ADGRD1: variants seen among roughly 807,000 people sequenced by gnomAD.
ADGRD1 encodes the protein adhesion G protein-coupled receptor D1.
A neutral mutation model predicts 113.4 loss-of-function variants in ADGRD1; 77 were observed. The ratio of observed to expected loss-of-function variants is 0.68; its 90% CI spans 0.57 to 0.82. The LOEUF (loss-of-function observed/expected upper bound fraction) is 0.82, where lower values mean the gene tolerates loss of function less well. Among genes scored for constraint, ADGRD1 ranks in the 40% least tolerant of loss-of-function variants. The pLI, the probability that ADGRD1 is intolerant of heterozygous loss-of-function variation, is 0.00. For synonymous variants in ADGRD1, 474 were observed against 475.0 expected, an observed-to-expected ratio of 1.00 and a Z score of 0.03; for missense variants, 1,036 against 1,139.1, an observed-to-expected ratio of 0.91 and a Z score of 1.30.
At chr12:131,112,293 T>C (rs1378879447) in intron 18 of ADGRD1, among the ~76,000 whole-genome samples, 2 of 152,204 alleles carry the variant, frequency 1.3e-5, no homozygotes, top group African/African-American at 4.8e-5. Context: ...TACTTATGTT[T>C]GTATGACACC....
At chr12:131,129,088 G>A (rs868510405) in intron 20 of ADGRD1, among the ~76,000 whole-genome samples, 1 of 117,452 alleles carries the variant, frequency 8.5e-6, no homozygotes, top group Non-Finnish European at 1.8e-5. Flanking sequence ...TGACAGCCCC[G>A]CCCTGCTGTC....
chr12:130,992,398 G>A lies in ADGRD1; in HGVS notation c.966+6G>A. ...CAGCCTTGAATCTCACCAAGGTAAG[G>A]CTATTTGATGTCTGTGTCTGGTGGA... is the stretch of plus-strand genomic sequence containing the variant. On this transcript the variant is annotated splice_donor_region_variant and intron_variant, in intron 8 of 24. Transcript: ENST00000261654. 1 of 1,609,810 alleles carries A rather than the reference G, an allele frequency of 6.2e-7. No individual in the cohort carries two copies. Among genetic ancestry groups the A allele is most frequent in the Non-Finnish European group, 8.5e-7 (1 of 1,178,270 alleles).
chr12:131,075,471 AG>A lies in ADGRD1; in HGVS notation c.1474-1329del, dbSNP rs1169571563. Among the ~76,000 whole-genome samples, 3 of 152,184 alleles carry A rather than the reference AG, an allele frequency of 2.0e-5. No homozygotes were observed. Among genetic ancestry groups the A allele is most frequent in the African/African-American group, 7.2e-5 (3 of 41,440 alleles). On this transcript the variant is annotated intron_variant, in intron 13 of 24. Coordinates refer to ENST00000261654, the MANE Select transcript of ADGRD1 (RefSeq NM_198827.5). This position sits in a 1 kb window ranked among gnomAD's most constrained non-coding sequence, Gnocchi z 5.3. ...AAGATGTCTTTTCCAGGCGGTTTTA[AG>A]AGACCCTGTGATGGATTAAAATAAC...
At chr12:131,010,929 A>T (rs1308691462) in intron 12 of ADGRD1, among the ~76,000 whole-genome samples, 1 of 152,128 alleles carries the variant, frequency 6.6e-6, no homozygotes, top group Non-Finnish European at 1.5e-5. Flanking sequence ...TCCTGGCCCC[A>T]CTATCTGCTC....
At position 131,101,375 on chromosome 12, in the gene ADGRD1, TTC is replaced by T. The variant is rs1314491585; in HGVS notation, c.1672-3454_1672-3453del. Among the ~76,000 whole-genome samples, 82 of 51,754 alleles carry T rather than the reference TTC, an allele frequency of 1.6e-3. 1 individual carries two copies. The highest frequency in any genetic ancestry group is 3.0e-3 in the Admixed American group (9 of 3,030). The allele number at this position is 51,754 out of a possible 152,430, so 34.0% of individuals were successfully genotyped here. On this transcript the variant is annotated intron_variant, in intron 15 of 24. Transcript: ENST00000261654. ...TTTTATTTTTTTTCTTTTTCTTTCT[TTC>T]TTTTTTTTTTTTTTTTTTTTTTTTT...
At position 131,096,342 on chromosome 12, in the gene ADGRD1, G is replaced by T. The variant is rs534080697; in HGVS notation, c.1672-8489G>T. Among the ~76,000 whole-genome samples, 1 of 152,142 alleles carries T rather than the reference G, an allele frequency of 6.6e-6. No individual in the cohort carries two copies. The highest frequency in any genetic ancestry group is 2.4e-5 in the African/African-American group (1 of 41,420). Reference sequence around the variant, plus strand: ...GCTCACTGCAGCCTTGACCTCCTGGGCTCCAGAGATCCTCCTACCTCAGCC... The same window carrying T: ...GCTCACTGCAGCCTTGACCTCCTGGTCTCCAGAGATCCTCCTACCTCAGCC... On this transcript the variant is annotated intron_variant, in intron 15 of 24. Coordinates refer to ENST00000261654, the MANE Select transcript of ADGRD1 (RefSeq NM_198827.5). This position sits in a 1 kb window ranked among gnomAD's most constrained non-coding sequence, Gnocchi z 5.2.
intron 13 of ADGRD1, among the ~76,000 whole-genome samples, chr12:131,039,948 C>T (rs968600259): frequency 2.0e-5 from 3 of 152,176 alleles, no homozygotes; most frequent in East Asian, 1.9e-4. Flanking sequence ...CTGAGGCCGG[C>T]GCAGATAGGA....
At chr12:131,039,045 G>A (rs1881838502) in intron 13 of ADGRD1, among the ~76,000 whole-genome samples, 3 of 152,352 alleles carry the variant, frequency 2.0e-5, no homozygotes, top group African/African-American at 7.2e-5. Context: ...AACTGCCTGC[G>A]GGAGAGGCCA....
intron 15 of ADGRD1, among the ~76,000 whole-genome samples, chr12:131,086,406 G>A (rs1593188110): frequency 6.6e-6 from 1 of 152,184 alleles, no homozygotes; most frequent in South Asian, 2.1e-4. Flanking sequence ...GGAAGGACAC[G>A]AGTCCACTGC....
chr12:131,110,892 T>C (rs989757234), intron 18 of ADGRD1, among the ~76,000 whole-genome samples: 1 of 152,260 alleles, frequency 6.6e-6, no homozygotes, highest in African/African-American at 2.4e-5. Flanking sequence ...TTTCTAGATA[T>C]AAGATTCTTT....
rs529431796 is a variant in ADGRD1, at chr12:131,103,771, G to T, written c.1672-1060G>T. On this transcript the variant is annotated intron_variant, in intron 15 of 24. Coordinates refer to ENST00000261654, the MANE Select transcript of ADGRD1 (RefSeq NM_198827.5). ...CGTCTCGGAGGACGGGGGGACGTGG[G>T]TCTGGGGTCTGGGGCCTCAGTGCCG... Among the ~76,000 whole-genome samples, 16 of 152,300 alleles carry T rather than the reference G, an allele frequency of 1.1e-4. No individual in the cohort carries two copies. The South Asian group carries it at 3.3e-3, about 32-fold the overall frequency.
intron 13 of ADGRD1, among the ~76,000 whole-genome samples, chr12:131,049,523 A>G (rs1883172700): frequency 6.6e-6 from 1 of 152,214 alleles, no homozygotes; most frequent in Non-Finnish European, 1.5e-5. Flanking sequence ...CTTAGAATGC[A>G]CATGTCACTG....
Position 131,006,158 on chromosome 12 carries a change from AGTACCGGGC to A in ADGRD1, c.1331+113_1331+121del. On this transcript the variant is annotated intron_variant, in intron 12 of 24. Transcript: ENST00000261654. ...CACAACACTGAGAACTCTGGACACGAGTACCGGGCGCTTCACTGCTCGGGCAAGGAAACG... is the reference window on the plus strand; with the variant it reads ...CACAACACTGAGAACTCTGGACACGAGCTTCACTGCTCGGGCAAGGAAACG... 4 of 948,032 alleles carry A rather than the reference AGTACCGGGC, an allele frequency of 4.2e-6. No individual in the cohort carries two copies. In the Admixed American group the frequency reaches 7.8e-5, roughly 18 times the overall value. 58.7% of individuals were successfully genotyped at this position (948,032 alleles called of 1,614,324 possible).
intron 15 of ADGRD1, among the ~76,000 whole-genome samples, chr12:131,101,045 G>A (rs1950060454): frequency 6.6e-6 from 1 of 152,190 alleles, no homozygotes; most frequent in South Asian, 2.1e-4. Context: ...TGCGAGATGA[G>A]GTAGGAAAAG....
rs553546926 is a variant in ADGRD1, at chr12:131,010,530, G to A, written c.1332-3669G>A. On this transcript the variant is annotated intron_variant, in intron 12 of 24. Coordinates refer to ENST00000261654, the MANE Select transcript of ADGRD1 (RefSeq NM_198827.5). ...GCCGGTCTTCTGCACAGGCTGGGAAGTCTCTGTGTCTCCTCATAGATTTCA... is the reference window on the plus strand; with the variant it reads ...GCCGGTCTTCTGCACAGGCTGGGAAATCTCTGTGTCTCCTCATAGATTTCA... Among the ~76,000 whole-genome samples, 3 of 152,334 alleles carry A rather than the reference G, an allele frequency of 2.0e-5. No individual in the cohort carries two copies. The South Asian group carries it at 6.2e-4, about 32-fold the overall frequency.
chr12:131,015,736 G>A (rs1566031840), intron 13 of ADGRD1, among the ~76,000 whole-genome samples: 1 of 152,180 alleles, frequency 6.6e-6, no homozygotes, highest in Non-Finnish European at 1.5e-5. Flanking sequence ...TGTTTTCAGT[G>A]TGTCCCCTGC....
At chr12:131,122,878 C>T (rs1003104182) in intron 20 of ADGRD1, among the ~76,000 whole-genome samples, 17 of 152,078 alleles carry the variant, frequency 1.1e-4, no homozygotes, top group Admixed American at 1.1e-3. Flanking sequence ...GAACCCAGCA[C>T]CCCTGTGTCT....
chr12:131,109,810 C>G (rs572456461), intron 18 of ADGRD1, among the ~76,000 whole-genome samples: 1 of 152,266 alleles, frequency 6.6e-6, no homozygotes, highest in South Asian at 2.1e-4. Context: ...GTTGTTCTGT[C>G]CATTACTGAA....
At chr12:131,044,431 A>G (rs572856848) in intron 13 of ADGRD1, among the ~76,000 whole-genome samples, 30 of 152,190 alleles carry the variant, frequency 2.0e-4, no homozygotes, top group African/African-American at 6.3e-4. Flanking sequence ...GGCTGAGGGG[A>G]CCGGTCCTGG....
Sources: gnomAD v4.1 joint callset for allele counts (sites outside exome capture counted in the v4.1 genomes callset) on GRCh38, gnomAD v4.1.1 for gene constraint, Gnocchi (gnomAD v3.1) non-coding constraint, MANE v1.5 for transcripts, NCBI Gene and HGNC (gene_info 2026-07-23, HGNC 2026-07-21) for gene names.